PTPRT: variants seen among roughly 807,000 people sequenced by gnomAD.
PTPRT encodes protein tyrosine phosphatase receptor type T, also known as receptor-type tyrosine-protein phosphatase T.
PTPRT carries 56 observed loss-of-function variants against 176.8 expected under a neutral mutation model. The observed-to-expected ratio is 0.32, with a 90% CI of 0.26 to 0.40. PTPRT has a LOEUF of 0.40. PTPRT is among the 10% of genes least tolerant of loss of function. The pLI is 1.00. For missense variants in PTPRT, 1,540 were observed against 1,908.2 expected, an observed-to-expected ratio of 0.81 and a Z score of 3.60; for synonymous variants, 783 against 739.0, an observed-to-expected ratio of 1.06 and a Z score of -0.96.
At chr20:42,671,565 G>A (rs1160933242) in intron 7 of PTPRT, among the ~76,000 whole-genome samples, 2 of 152,122 alleles carry the variant, frequency 1.3e-5, no homozygotes, top group African/African-American at 2.4e-5. Flanking sequence ...AAGAATATGG[G>A]TCCACCTTCA....
intron 7 of PTPRT, among the ~76,000 whole-genome samples, chr20:42,604,912 G>A (rs1327093512): frequency 1.3e-5 from 2 of 152,178 alleles, no homozygotes; most frequent in African/African-American, 2.4e-5. Context: ...GGTGACTCCT[G>A]TTTCAGGCAT....
chr20:42,724,016 T>C (rs1396011191), intron 6 of PTPRT, among the ~76,000 whole-genome samples: 1 of 152,192 alleles, frequency 6.6e-6, no homozygotes, highest in Non-Finnish European at 1.5e-5. Context: ...GAAAATAAGC[T>C]TGTATGTAGC....
chr20:42,834,362 A>T (rs2078144929), intron 2 of PTPRT, among the ~76,000 whole-genome samples: 1 of 152,194 alleles, frequency 6.6e-6, no homozygotes. Context: ...AAGGAAAAAA[A>T]ATGCTAACTG....
chr20:43,088,882 C>T (rs2011713259), intron 1 of PTPRT, among the ~76,000 whole-genome samples: 1 of 152,054 alleles, frequency 6.6e-6, no homozygotes, highest in African/African-American at 2.4e-5. Flanking sequence ...TTCCTAGAAT[C>T]TAGAGGTTCT....
chr20:42,532,750 C>T (rs893450026), intron 7 of PTPRT, among the ~76,000 whole-genome samples: 8 of 152,088 alleles, frequency 5.3e-5, no homozygotes, highest in Non-Finnish European at 1.2e-4. Context: ...GAAACCATTC[C>T]CCCAACATCT....
intron 7 of PTPRT, among the ~76,000 whole-genome samples, chr20:42,512,631 A>G (rs1201677593): frequency 6.6e-6 from 1 of 152,196 alleles, no homozygotes; most frequent in Non-Finnish European, 1.5e-5. Context: ...TCTAGGATAA[A>G]TAACCAGTAT....
At chr20:42,936,392 G>A (rs921488560) in intron 1 of PTPRT, among the ~76,000 whole-genome samples, 1 of 152,246 alleles carries the variant, frequency 6.6e-6, no homozygotes, top group Non-Finnish European at 1.5e-5. Flanking sequence ...AGGGGCTGCA[G>A]TGGAGTGACA....
intron 7 of PTPRT, among the ~76,000 whole-genome samples, chr20:42,572,959 G>T: frequency 1.8e-5 from 2 of 110,490 alleles, no homozygotes; most frequent in African/African-American, 7.4e-5. Flanking sequence ...ACAATTGATA[G>T]CCTTTTTTTT....
At chr20:42,640,111 C>T (rs928628819) in intron 7 of PTPRT, among the ~76,000 whole-genome samples, 5 of 152,104 alleles carry the variant, frequency 3.3e-5, no homozygotes, top group African/African-American at 1.2e-4. Flanking sequence ...CACCTCTGTA[C>T]CTGCCCTCAC....
At chr20:42,679,257 T>C (rs1487806719) in intron 6 of PTPRT, among the ~76,000 whole-genome samples, 1 of 151,966 alleles carries the variant, frequency 6.6e-6, no homozygotes, top group Non-Finnish European at 1.5e-5. Context: ...GTATCATTCA[T>C]GTAATTCTTG....
intron 9 of PTPRT, among the ~76,000 whole-genome samples, chr20:42,360,344 G>T (rs2058416477): frequency 6.6e-6 from 1 of 152,090 alleles, no homozygotes; most frequent in African/African-American, 2.4e-5. Flanking sequence ...ACATGAGAGG[G>T]ATATTCTGAG....
At chr20:42,129,291 TTAGAGA>T (rs1265071791) in intron 18 of PTPRT, among the ~76,000 whole-genome samples, 3 of 152,212 alleles carry the variant, frequency 2.0e-5, no homozygotes, top group African/African-American at 7.2e-5. Context: ...TGGAGTATTG[TTAGAGA>T]TAGATTGTCA....
intron 9 of PTPRT, among the ~76,000 whole-genome samples, chr20:42,441,419 G>T (rs759027946): frequency 1.3e-5 from 2 of 152,218 alleles, no homozygotes; most frequent in Non-Finnish European, 2.9e-5. Flanking sequence ...GGAGGCTAAA[G>T]CTGGACTGCA....
intron 12 of PTPRT, among the ~76,000 whole-genome samples, chr20:42,314,446 G>A (rs185829144): frequency 1.9e-3 from 288 of 149,444 alleles, no homozygotes; most frequent in African/African-American, 6.7e-3. Context: ...GGAGAAGAGC[G>A]TGAACCTGGG....
At chr20:43,015,962 AG>A (rs1376915147) in intron 1 of PTPRT, among the ~76,000 whole-genome samples, 2 of 151,450 alleles carry the variant, frequency 1.3e-5, no homozygotes, top group African/African-American at 2.4e-5. Flanking sequence ...AAAAAAAAAA[AG>A]CCCACGTCCA....
chr20:42,566,013 G>T (rs1322109800), intron 7 of PTPRT, among the ~76,000 whole-genome samples: 4 of 152,084 alleles, frequency 2.6e-5, no homozygotes, highest in Non-Finnish European at 4.4e-5. Flanking sequence ...CAGCTACTCA[G>T]CTAGAGAGTA....
intron 1 of PTPRT, among the ~76,000 whole-genome samples, chr20:43,115,527 G>A (rs2013026825): frequency 6.6e-6 from 1 of 152,142 alleles, no homozygotes; most frequent in African/African-American, 2.4e-5. Flanking sequence ...TCCCTCAGTG[G>A]ACCCTTGGCA....
chr20:42,440,596 G>A (rs186399960), intron 9 of PTPRT, among the ~76,000 whole-genome samples: 18 of 151,682 alleles, frequency 1.2e-4, no homozygotes, highest in African/African-American at 4.4e-4. Flanking sequence ...TCCTGCCTCA[G>A]CCTCCCGAGT....
At chr20:42,220,395 G>A (rs1437292701) in intron 15 of PTPRT, among the ~76,000 whole-genome samples, 1 of 152,054 alleles carries the variant, frequency 6.6e-6, no homozygotes. Flanking sequence ...AAGCTAAAAT[G>A]CCATTGTACA....
Sources: gnomAD v4.1 joint callset for allele counts (sites outside exome capture counted in the v4.1 genomes callset) on GRCh38, gnomAD v4.1.1 for gene constraint, MANE v1.5 for transcripts, NCBI Gene and HGNC (gene_info 2026-07-23, HGNC 2026-07-21) for gene names.